Variants in NTNG1 observed in about 807,000 individuals in gnomAD.
NTNG1 encodes netrin-G1.
NTNG1 carries 16 observed loss-of-function variants against 54.0 expected under a neutral mutation model. That is an observed-to-expected ratio of 0.30 (90% confidence interval 0.20 to 0.45). NTNG1 has a LOEUF of 0.45. Ranked by LOEUF, NTNG1 falls within the 20% of genes least tolerant of loss-of-function variation. The pLI, the probability that NTNG1 is intolerant of heterozygous loss-of-function variation, is 1.00. For synonymous variants in NTNG1, 255 were observed against 263.1 expected (o/e 0.97, Z 0.30); for missense variants, 530 against 678.7 (o/e 0.78, Z 2.43).
intron 3 of NTNG1, among the ~76,000 whole-genome samples, chr1:107,331,462 T>C (rs991963007): frequency 6.6e-6 from 1 of 152,148 alleles, no homozygotes; most frequent in Admixed American, 6.6e-5. Context: ...ATTTGTCACA[T>C]TGTGTTAAGT....
At position 107,483,935 on chromosome 1, in the gene NTNG1, T is replaced by G. The variant is rs996691851; in HGVS notation, c.*3095T>G. Among the ~76,000 whole-genome samples the G allele has an allele frequency of 1.3e-5, 2 of 152,082 alleles. No individual in the cohort carries two copies. The highest frequency in any genetic ancestry group is 4.8e-5 in the African/African-American group (2 of 41,384). On this transcript the variant is annotated 3_prime_UTR_variant, in exon 8 of 8. Coordinates refer to ENST00000370068, the MANE Select transcript of NTNG1 (RefSeq NM_001113226.3). Reference sequence around the variant, plus strand: ...CCTGTACACAGCCTAGGGGAAGAATTTAGTCCAGCAAAGAGGGGACCTTGC... The same window carrying G: ...CCTGTACACAGCCTAGGGGAAGAATGTAGTCCAGCAAAGAGGGGACCTTGC...
At chr1:107,151,469 A>G (rs766298435) in intron 2 of NTNG1, among the ~76,000 whole-genome samples, 2 of 152,104 alleles carry the variant, frequency 1.3e-5, no homozygotes, top group African/African-American at 4.8e-5. Context: ...ATTATGGCCT[A>G]TTACATCAGG....
intron 2 of NTNG1, among the ~76,000 whole-genome samples, chr1:107,243,776 G>GT (rs147195942): frequency 3.5e-4 from 52 of 147,026 alleles, no homozygotes; most frequent in Non-Finnish European, 3.9e-4. Flanking sequence ...GAGAGTTTTC[G>GT]TTTTTTTTTT....
At chr1:107,191,756 C>A (rs1330766958) in intron 2 of NTNG1, among the ~76,000 whole-genome samples, 1 of 151,410 alleles carries the variant, frequency 6.6e-6, no homozygotes, top group Non-Finnish European at 1.5e-5. Flanking sequence ...GGCGTTATTT[C>A]TGAGGGCTCT....
Position 107,468,439 on chromosome 1 carries a change from G to A in NTNG1, c.1391-12172G>A, listed in dbSNP as rs144117018. On this transcript the variant is annotated intron_variant, in intron 7 of 7. Transcript: ENST00000370068. ...CATTTCTTAATGCTGGGATATCAAA[G>A]GCCTGTAGTATTTTCCTACCTCCTA... 4.8e-3 allele frequency among the ~76,000 whole-genome samples: 733 copies of A among 152,248 alleles called. 4 individuals are homozygous for A. The highest frequency in any genetic ancestry group is 0.016 in the African/African-American group (685 of 41,554).
chr1:107,376,325 G>A (rs562147611), intron 3 of NTNG1, among the ~76,000 whole-genome samples: 2 of 151,762 alleles, frequency 1.3e-5, no homozygotes, highest in Non-Finnish European at 2.9e-5. Context: ...TGGGAATGGC[G>A]TGAACCCGGG....
At chr1:107,166,896 C>T (rs923784252) in intron 2 of NTNG1, among the ~76,000 whole-genome samples, 1 of 152,084 alleles carries the variant, frequency 6.6e-6, no homozygotes, top group African/African-American at 2.4e-5. Context: ...GTCACTGGTG[C>T]TGTCATTAAG....
intron 5 of NTNG1, chr1:107,408,246 C>G: frequency 5.4e-6 from 1 of 184,814 alleles, no homozygotes; most frequent in Non-Finnish European, 1.1e-5. Flanking sequence ...GATCAGTAGT[C>G]TCTCTGGAGA....
intron 3 of NTNG1, among the ~76,000 whole-genome samples, chr1:107,353,267 A>G (rs577263828): frequency 2.8e-4 from 43 of 152,256 alleles, no homozygotes; most frequent in Non-Finnish European, 5.3e-4. Flanking sequence ...TTGCCCACAC[A>G]TATCAGCCAA....
intron 7 of NTNG1, among the ~76,000 whole-genome samples, chr1:107,464,057 C>A (rs1677447072): frequency 6.6e-6 from 1 of 152,114 alleles, no homozygotes; most frequent in African/African-American, 2.4e-5. Context: ...GATGTAATGA[C>A]CTTGCCCTTA....
intron 2 of NTNG1, among the ~76,000 whole-genome samples, chr1:107,276,663 T>C (rs1175879945): frequency 6.6e-6 from 1 of 151,932 alleles, no homozygotes; most frequent in African/African-American, 2.4e-5. Flanking sequence ...AAAGACGAGG[T>C]CATATTCAAT....
At chr1:107,317,719 T>G (rs1430744397) in intron 2 of NTNG1, among the ~76,000 whole-genome samples, 2 of 152,138 alleles carry the variant, frequency 1.3e-5, no homozygotes, top group Non-Finnish European at 2.9e-5. Flanking sequence ...GCAGAAAGGT[T>G]AAGCCCTCCC....
At chr1:107,165,332 C>T (rs1452046390) in intron 2 of NTNG1, among the ~76,000 whole-genome samples, 4 of 152,134 alleles carry the variant, frequency 2.6e-5, no homozygotes, top group African/African-American at 4.8e-5. Context: ...TATCTAACAG[C>T]GTTTAAGACA....
chr1:107,360,104 C>T (rs567050964), intron 3 of NTNG1, among the ~76,000 whole-genome samples: 52 of 152,294 alleles, frequency 3.4e-4, no homozygotes, highest in Non-Finnish European at 6.9e-4. Flanking sequence ...GACAACCGAC[C>T]AACCCTTTGG....
chr1:107,332,814 A>G (rs918820502), intron 3 of NTNG1, among the ~76,000 whole-genome samples: 1 of 152,110 alleles, frequency 6.6e-6, no homozygotes, highest in Non-Finnish European at 1.5e-5. Flanking sequence ...AGAACTAAGT[A>G]TATTAGTTTA....
chr1:107,192,287 G>A (rs916122417), intron 2 of NTNG1, among the ~76,000 whole-genome samples: 1 of 152,010 alleles, frequency 6.6e-6, no homozygotes, highest in Non-Finnish European at 1.5e-5. Context: ...CTGTGCCCCT[G>A]TGTGTCTGAC....
chr1:107,295,766 A>G (rs1355373677), intron 2 of NTNG1, among the ~76,000 whole-genome samples: 2 of 152,106 alleles, frequency 1.3e-5, no homozygotes, highest in African/African-American at 4.8e-5. Context: ...TGCAAAGCAG[A>G]AAAAACTAGC....
At chr1:107,365,252 C>T (rs1670524439) in intron 3 of NTNG1, among the ~76,000 whole-genome samples, 1 of 152,126 alleles carries the variant, frequency 6.6e-6, no homozygotes, top group African/African-American at 2.4e-5. Context: ...TCAAAATCAA[C>T]TCTGAGATAT....
chr1:107,197,819 G>A (rs929695148), intron 2 of NTNG1, among the ~76,000 whole-genome samples: 1 of 151,960 alleles, frequency 6.6e-6, no homozygotes, highest in South Asian at 2.1e-4. Context: ...ATAATCTGGT[G>A]CACCATGGTG....
Sources: allele counts gnomAD v4.1 joint callset (sites outside exome capture counted in the v4.1 genomes callset), GRCh38; gene constraint gnomAD v4.1.1; transcripts MANE v1.5; gene names NCBI Gene and HGNC (gene_info 2026-07-23, HGNC 2026-07-21).